MCPH1: variants seen among roughly 807,000 people sequenced by gnomAD.
The protein encoded by MCPH1 is microcephalin 1.
MCPH1 carries 104 observed loss-of-function variants against 84.5 expected under a neutral mutation model. The observed-to-expected ratio is 1.23, with a 90% CI of 1.05 to 1.45. The LOEUF is 1.45. Ranked by LOEUF, MCPH1 falls within the 40% of genes most tolerant of loss-of-function variation. The pLI is 0.00. For missense variants in MCPH1, 1,498 were observed against 1,005.7 expected (o/e 1.49, Z -6.62); for synonymous variants, 514 against 366.8 (o/e 1.40, Z -4.58).
rs948143436 is a variant in MCPH1, at chr8:6,643,437, G to C, written c.*388G>C. 12 of 259,720 alleles carry C rather than the reference G, an allele frequency of 4.6e-5. No individual in the cohort carries two copies. The highest frequency in any genetic ancestry group is 9.0e-5 in the Non-Finnish European group (12 of 133,060). 16.1% of individuals were successfully genotyped at this position (259,720 alleles called of 1,614,324 possible). A position where few individuals can be genotyped will look rare whatever the true frequency, so the allele number is the denominator to read the frequency against. On this transcript the variant is annotated 3_prime_UTR_variant, in exon 14 of 14. Transcript: ENST00000344683. ...GTGCCACCATGCCTGGCTAATTTTT[G>C]TAGTTTTAGTAGAGACAGGGTTTCG... is the stretch of plus-strand genomic sequence containing the variant.
At chr8:6,415,794 G>C (rs964921580) in intron 3 of MCPH1, among the ~76,000 whole-genome samples, 5 of 152,038 alleles carry the variant, frequency 3.3e-5, no homozygotes, top group African/African-American at 1.2e-4. Context: ...GTCTTGATTG[G>C]GTTCCTTGCA....
chr8:6,538,522 C>A (rs1820919771), intron 12 of MCPH1, among the ~76,000 whole-genome samples: 1 of 152,180 alleles, frequency 6.6e-6, no homozygotes, highest in Non-Finnish European at 1.5e-5. Context: ...CGCCCCTGAT[C>A]TTGTGGGCCT....
intron 3 of MCPH1, among the ~76,000 whole-genome samples, chr8:6,426,348 GC>G (rs1416407205): frequency 3.9e-5 from 6 of 152,032 alleles, no homozygotes; most frequent in Admixed American, 2.0e-4. Flanking sequence ...CGGCCTCCCT[GC>G]CCCCTCCTCC....
At chr8:6,576,498 TCCCTTCCCCTTC>T in intron 12 of MCPH1, among the ~76,000 whole-genome samples, 1 of 139,826 alleles carries the variant, frequency 7.2e-6, no homozygotes, top group East Asian at 2.2e-4. Flanking sequence ...CTTTTCCCTT[TCCCTTCCCCTTC>T]CCCTTCCCCG....
intron 12 of MCPH1, among the ~76,000 whole-genome samples, chr8:6,617,908 T>TATCTATCTATCTATC (rs1831001380): frequency 6.7e-6 from 1 of 150,146 alleles, no homozygotes; most frequent in East Asian, 2.0e-4. Flanking sequence ...CTAATCTATC[T>TATCTATCTATCTATC]ATCTATCTAT....
chr8:6,580,443 C>A (rs2167073), intron 12 of MCPH1, among the ~76,000 whole-genome samples: 61,898 of 151,904 alleles, frequency 0.41, 13,528 homozygotes, highest in East Asian at 0.85. Flanking sequence ...GATCACGAGG[C>A]CAGGAGTTCA....
chr8:6,477,691 C>T (rs749320186), intron 10 of MCPH1, 60 bp downstream of exon 10: 3 of 1,444,924 alleles, frequency 2.1e-6, no homozygotes, highest in African/African-American at 2.8e-5. Context: ...CTCTTATACT[C>T]TAATTCTGGG....
At chr8:6,487,718 G>C (rs568641152) in intron 11 of MCPH1, among the ~76,000 whole-genome samples, 1 of 152,260 alleles carries the variant, frequency 6.6e-6, no homozygotes, top group African/African-American at 2.4e-5. Flanking sequence ...TCTCAGGCCT[G>C]GGTCTCTGAA....
rs1797758136 is a variant in MCPH1 at position 6,406,797 on chromosome 8, C to T, written c.22+108C>T. On this transcript the variant is annotated intron_variant, in intron 1 of 13. Coordinates refer to ENST00000344683, the MANE Select transcript of MCPH1 (RefSeq NM_024596.5). The stretch of plus-strand genomic sequence containing the variant: ...GTGGGAGGAGCCCCGCTCGCCCCTC[C>T]CTCGCTGCCTGTCTCCCCCAGACCC... 4.8e-6 allele frequency: 6 copies of T among 1,260,010 alleles called. No individual in the cohort carries two copies. In the South Asian group the frequency reaches 6.3e-5, roughly 13 times the overall value. The allele number at this position is 1,260,010 out of a possible 1,614,324, so 78.1% of individuals were successfully genotyped here. A position where few individuals can be genotyped will look rare whatever the true frequency, so the allele number is the denominator to read the frequency against.
chr8:6,448,599 C>G (rs1474957585), intron 8 of MCPH1, among the ~76,000 whole-genome samples: 1 of 152,176 alleles, frequency 6.6e-6, no homozygotes, highest in Non-Finnish European at 1.5e-5. Flanking sequence ...CCACTGTCCA[C>G]AGTTTAATAT....
intron 9 of MCPH1, among the ~76,000 whole-genome samples, chr8:6,465,349 G>T (rs918240234): frequency 6.6e-6 from 1 of 152,122 alleles, no homozygotes; most frequent in Non-Finnish European, 1.5e-5. Context: ...GCCACTTCCC[G>T]CGGAGCTGTT....
chr8:6,618,179 G>A (rs188900097), intron 12 of MCPH1, among the ~76,000 whole-genome samples: 44 of 152,338 alleles, frequency 2.9e-4, no homozygotes, highest in Admixed American at 5.9e-4. Context: ...TGCGTTTGAG[G>A]CTTTTCGCCT....
chr8:6,547,037 A>T (rs1255462472), intron 12 of MCPH1, among the ~76,000 whole-genome samples: 2 of 152,104 alleles, frequency 1.3e-5, no homozygotes, highest in African/African-American at 2.4e-5. Flanking sequence ...TCAGAGCAAC[A>T]TGCACGTGTT....
chr8:6,562,599 G>A (rs953063385), intron 12 of MCPH1: 1 of 575,224 alleles, frequency 1.7e-6, no homozygotes. Flanking sequence ...CTGCTGCCAA[G>A]CTGATCTTAA....
At chr8:6,598,809 A>T (rs1829136018) in intron 12 of MCPH1, among the ~76,000 whole-genome samples, 1 of 152,210 alleles carries the variant, frequency 6.6e-6, no homozygotes, top group African/African-American at 2.4e-5. Context: ...CAGAGAGCGG[A>T]TGGCTGCCGA....
intron 12 of MCPH1, among the ~76,000 whole-genome samples, chr8:6,598,692 C>T (rs1319139858): frequency 2.0e-5 from 3 of 152,236 alleles, no homozygotes; most frequent in African/African-American, 7.2e-5. Context: ...TCACGACAGG[C>T]GTGAGAAGGC....
chr8:6,518,844 C>G (rs772965758), intron 12 of MCPH1, among the ~76,000 whole-genome samples: 2 of 152,104 alleles, frequency 1.3e-5, no homozygotes, highest in Non-Finnish European at 2.9e-5. Flanking sequence ...CACACTGATT[C>G]TCCTGTAATA....
intron 12 of MCPH1, among the ~76,000 whole-genome samples, chr8:6,540,619 T>C (rs912655921): frequency 1.3e-5 from 2 of 152,250 alleles, no homozygotes; most frequent in Admixed American, 6.5e-5. Flanking sequence ...TATAGATATA[T>C]ACACAGCAAG....
chr8:6,480,357 G>A (rs1460624523), intron 10 of MCPH1, among the ~76,000 whole-genome samples: 1 of 151,874 alleles, frequency 6.6e-6, no homozygotes, highest in Non-Finnish European at 1.5e-5. Context: ...AACTCCTGGT[G>A]ATCCACCCGC....
Sources: allele counts gnomAD v4.1 joint callset (sites outside exome capture counted in the v4.1 genomes callset), GRCh38; gene constraint gnomAD v4.1.1; transcripts MANE v1.5; gene names NCBI Gene and HGNC (gene_info 2026-07-23, HGNC 2026-07-21).